The following MAU2 variants were observed in gnomAD, a reference collection of about 807,000 sequenced individuals.
MAU2 encodes the protein MAU2 sister chromatid cohesion factor, also known as MAU2 chromatid cohesion factor homolog.
A neutral mutation model predicts 89.1 loss-of-function variants in MAU2; 9 were observed. The observed-to-expected ratio is 0.10, with a 90% CI of 0.06 to 0.18. The LOEUF (loss-of-function observed/expected upper bound fraction) is 0.18, where lower values mean the gene tolerates loss of function less well. Ranked by LOEUF, MAU2 falls within the 10% of genes least tolerant of loss-of-function variation. The probability of loss-of-function intolerance (pLI) is 1.00; values close to 1 mark genes in which losing one functional copy is unlikely to be tolerated. For synonymous variants in MAU2, 357 were observed against 343.4 expected (o/e 1.04, Z -0.44); for missense variants, 425 against 803.5 (o/e 0.53, Z 5.69).
At chr19:19,341,135 T>C (rs377351617) in intron 6 of MAU2, 117 bp from the exon 7 acceptor site, 11 of 1,285,956 alleles carry the variant, frequency 8.6e-6, no homozygotes, top group African/African-American at 1.5e-5. Flanking sequence ...AGGCTGGCCT[T>C]GCCCTCTGGA....
chr19:19,339,361 A>G (rs1036029882), intron 5 of MAU2, among the ~76,000 whole-genome samples: 11 of 151,822 alleles, frequency 7.2e-5, no homozygotes, highest in African/African-American at 2.4e-4. Context: ...GCAGGAGACT[A>G]GCTTGAACCC....
Position 19,330,040 on chromosome 19 carries a change from C to T in MAU2, c.277-5678C>T, listed in dbSNP as rs547155581. Among the ~76,000 whole-genome samples the T allele has an allele frequency of 8.6e-5, 13 of 151,602 alleles. No individual in the cohort carries two copies. The East Asian group carries it at 1.8e-3, about 21-fold the overall frequency. On this transcript the variant is annotated intron_variant, in intron 1 of 18. Transcript: ENST00000262815. ...TGTCACCCAGGCTGGAGTGCAGTGGCGCAATCTTAGCTCCCTGCCACTTCT... is the reference window on the plus strand; with the variant it reads ...TGTCACCCAGGCTGGAGTGCAGTGGTGCAATCTTAGCTCCCTGCCACTTCT...
In MAU2 at chr19:19,338,934, C is replaced by T. The variant is rs368252240; in HGVS notation, c.546C>T (p.Tyr182=). Residue 182 remains tyrosine (Y), a synonymous_variant, in exon 5 of 19, where the codon TAC becomes TAT. Transcript: ENST00000262815. ...ACGCCCGGGTGGTGGGATCTGAATA[C>T]ACACGGTAGGCACCCACTCCCCTCC... is the stretch of plus-strand genomic sequence containing the variant. ...AEYARVVGSE[Y]TRALFLLSKG... 2.1e-5 allele frequency: 34 copies of T among 1,612,022 alleles called. 1 individual carries two copies. In the South Asian group the frequency reaches 3.1e-4, roughly 15 times the overall value.
chr19:19,350,329 C>T (rs1467129778), intron 16 of MAU2, among the ~76,000 whole-genome samples: 1 of 148,248 alleles, frequency 6.7e-6, no homozygotes, highest in East Asian at 2.0e-4. Context: ...TTGGGACAGG[C>T]ACGGTGGCTC....
At chr19:19,321,414 C>G (rs977837544) in intron 1 of MAU2, 5 of 396,548 alleles carry the variant, frequency 1.3e-5, no homozygotes, top group African/African-American at 4.2e-5. Context: ...TTATTGGGAG[C>G]AACAGGATCC....
At chr19:19,331,363 G>C (rs541364852) in intron 1 of MAU2, among the ~76,000 whole-genome samples, 1 of 151,962 alleles carries the variant, frequency 6.6e-6, no homozygotes. Flanking sequence ...TTAGCCAGGC[G>C]TGGTGGCGGG....
rs780767816 is a variant in MAU2, at chr19:19,343,917, C to T, written c.1054C>T (p.His352Tyr). ...CATCATGTGCCGCCTTGTCACGGGTCACAAGGCCACGGCGCTGCAGGAGGT... is the reference window on the plus strand; with the variant it reads ...CATCATGTGCCGCCTTGTCACGGGTTACAAGGCCACGGCGCTGCAGGAGGT... ...HIIMCRLVTG[H>Y]KATALQEISQ... Residue 352 changes from histidine to tyrosine, a missense_variant, in exon 10 of 19, where the codon CAC becomes TAC. His to Tyr is a moderately conservative substitution (Grantham distance 83). Coordinates refer to ENST00000262815, the MANE Select transcript of MAU2 (RefSeq NM_015329.4). 1.9e-6 allele frequency: 3 copies of T among 1,612,868 alleles called. No homozygotes were observed. The highest frequency in any genetic ancestry group is 2.5e-6 in the Non-Finnish European group (3 of 1,179,966).
At chr19:19,342,930 G>A (rs1468149850) in intron 9 of MAU2, 64 bp downstream of exon 9, 13 of 1,566,876 alleles carry the variant, frequency 8.3e-6, no homozygotes, top group Middle Eastern at 1.8e-4. Flanking sequence ...CTGGCCAGAC[G>A]CTAGCTGTAC....
intron 16 of MAU2, among the ~76,000 whole-genome samples, chr19:19,350,203 T>C (rs1398706312): frequency 6.7e-6 from 1 of 148,838 alleles, no homozygotes; most frequent in Admixed American, 6.7e-5. Context: ...GGCTGAGGCA[T>C]GAGAATCACT....
Position 19,337,181 on chromosome 19 carries a change from T to C in MAU2, c.372T>C (p.Asp124=), listed in dbSNP as rs1404774472. ...CTATTTCCTTTCAGAATTCCGTTGA[T>C]GCAGCAAAGCCGCTGCTGCGGAAGG... ...SELYCQENSV[D]AAKPLLRKAI... is the part of the protein sequence containing the mutation. Residue 124 remains aspartate, a synonymous_variant, in exon 4 of 19, where the codon GAT becomes GAC. Transcript: ENST00000262815. 1.2e-6 allele frequency: 2 copies of C among 1,612,394 alleles called. No homozygotes were observed. Among genetic ancestry groups the C allele is most frequent in the Non-Finnish European group, 1.7e-6 (2 of 1,178,766 alleles).
intron 5 of MAU2, 82 bp from the exon 6 acceptor site, chr19:19,340,764 C>T (rs372536799): frequency 4.7e-6 from 7 of 1,492,502 alleles, no homozygotes; most frequent in Non-Finnish European, 6.4e-6. Context: ...CATATTAGGT[C>T]CTGTGAGCCT....
chr19:19,342,165 C>G (rs1171727535), intron 7 of MAU2, among the ~76,000 whole-genome samples: 3 of 152,174 alleles, frequency 2.0e-5, no homozygotes, highest in African/African-American at 4.8e-5. Context: ...TGCCTGATTC[C>G]TGGGCCAGGA....
At chr19:19,348,568 C>T (rs1456164866) in intron 13 of MAU2, 2 of 518,432 alleles carry the variant, frequency 3.9e-6, no homozygotes, top group African/African-American at 3.9e-5. Flanking sequence ...CCACAGGGCT[C>T]ACGGGCCCCA....
chr19:19,343,327 GTC>G (rs1261109158), intron 9 of MAU2, among the ~76,000 whole-genome samples: 1 of 152,218 alleles, frequency 6.6e-6, no homozygotes, highest in Non-Finnish European at 1.5e-5. Flanking sequence ...GTGCCCATTA[GTC>G]GGTCTGTTTG....
In MAU2 at chr19:19,343,945, G is replaced by A. The variant is rs772144428; in HGVS notation, c.1077+5G>A. On this transcript the variant is annotated splice_donor_5th_base_variant and intron_variant, in intron 10 of 18. Coordinates refer to ENST00000262815, the MANE Select transcript of MAU2 (RefSeq NM_015329.4). ...AAGGCCACGGCGCTGCAGGAGGTAA[G>A]GCTGGAAGCAGGAGGGGCGGGAAGG... 3.1e-6 allele frequency: 5 copies of A among 1,610,540 alleles called. No homozygotes were observed. In the East Asian group the frequency reaches 6.7e-5, roughly 22 times the overall value.
At chr19:19,326,854 T>C (rs2061513036) in intron 1 of MAU2, among the ~76,000 whole-genome samples, 1 of 149,954 alleles carries the variant, frequency 6.7e-6, no homozygotes, top group Admixed American at 6.7e-5. Flanking sequence ...ATCGTGCCAC[T>C]GCACTCCACC....
intron 13 of MAU2, chr19:19,348,452 C>G (rs2061713401): frequency 3.6e-6 from 1 of 276,412 alleles, no homozygotes; most frequent in Non-Finnish European, 7.0e-6. Context: ...TCCCCTGTGC[C>G]TCTGCAGCTA....
At chr19:19,340,025 C>T (rs1419065042) in intron 5 of MAU2, among the ~76,000 whole-genome samples, 1 of 151,974 alleles carries the variant, frequency 6.6e-6, no homozygotes, top group Non-Finnish European at 1.5e-5. Context: ...ATTAGCTGGG[C>T]ATGGTGGCGG....
At chr19:19,326,617 C>T (rs1016005726) in intron 1 of MAU2, among the ~76,000 whole-genome samples, 3 of 149,826 alleles carry the variant, frequency 2.0e-5, no homozygotes, top group Admixed American at 6.7e-5. Context: ...ACCCGGGCGG[C>T]GGAGCTTGCA....
Sources: allele counts gnomAD v4.1 joint callset (sites outside exome capture counted in the v4.1 genomes callset), GRCh38; gene constraint gnomAD v4.1.1; transcripts MANE v1.5; gene names NCBI Gene and HGNC (gene_info 2026-07-23, HGNC 2026-07-21).